The following EDEM1 variants were observed in gnomAD, a reference collection of about 807,000 sequenced individuals.
The protein encoded by EDEM1 is ER degradation-enhancing alpha-mannosidase-like protein 1.
Under a neutral mutation model 74.4 loss-of-function variants are expected in EDEM1, and 67 were observed. The ratio of observed to expected loss-of-function variants is 0.90; its 90% confidence interval spans 0.74 to 1.10. The LOEUF (loss-of-function observed/expected upper bound fraction) is 1.10. EDEM1 is among the 50% of genes least tolerant of loss of function. The pLI, the probability that EDEM1 is intolerant of heterozygous loss-of-function variation, is 0.00. For missense variants in EDEM1, 926 were observed against 851.6 expected, an observed-to-expected ratio of 1.09 and a Z score of -1.09; for synonymous variants, 382 against 335.9, an observed-to-expected ratio of 1.14 and a Z score of -1.50.
Position 5,195,054 on chromosome 3 carries a change from G to C in EDEM1, c.510-155G>C, listed in dbSNP as rs187663525. 1.2e-3 allele frequency: 513 copies of C among 434,754 alleles called. 4 individuals are homozygous for C. Among genetic ancestry groups the C allele is most frequent in the African/African-American group, 9.6e-3 (473 of 49,112 alleles). 26.9% of individuals were successfully genotyped at this position (434,754 alleles called of 1,614,324 possible). On this transcript the variant is annotated intron_variant, in intron 1 of 11. Transcript: ENST00000256497. ...TGGACACCATAGAAAGTGTTACTTT[G>C]GGGGTAGAAAGACCTTTGCTGTATT...
At chr3:5,201,206 A>G (rs1304346159) in intron 3 of EDEM1, among the ~76,000 whole-genome samples, 5 of 152,048 alleles carry the variant, frequency 3.3e-5, no homozygotes, top group African/African-American at 1.2e-4. Context: ...TACACAGGCT[A>G]AAGTGTAGTG....
chr3:5,191,167 C>T (rs1023987477), intron 1 of EDEM1, among the ~76,000 whole-genome samples: 5 of 152,166 alleles, frequency 3.3e-5, no homozygotes, highest in African/African-American at 7.2e-5. Flanking sequence ...GGCTTTGAAA[C>T]AGGAGGGTAC....
Position 5,205,053 on chromosome 3 carries a change from GTTTA to G in EDEM1, c.1043-10_1043-7del, listed in dbSNP as rs1559297763. The G allele has an allele frequency of 1.4e-5, 23 of 1,612,830 alleles. No homozygotes were observed. The highest frequency in any genetic ancestry group is 1.9e-5 in the Non-Finnish European group (22 of 1,179,366). ...AGACAGCTGGGACCTCAAGTGCCTTGTTTATTTTTGCAGGCAATGTCGTGAACAT... is the reference window on the plus strand; with the variant it reads ...AGACAGCTGGGACCTCAAGTGCCTTGTTTTTGCAGGCAATGTCGTGAACAT... On this transcript the variant is annotated splice_polypyrimidine_tract_variant and intron_variant, in intron 5 of 11. Coordinates refer to ENST00000256497, the MANE Select transcript of EDEM1 (RefSeq NM_014674.3).
Position 5,200,187 on chromosome 3 carries a change from C to T in EDEM1, c.686+492C>T, listed in dbSNP as rs569266417. 9.2e-5 allele frequency among the ~76,000 whole-genome samples: 14 copies of T among 152,316 alleles called. No homozygotes were observed. In the South Asian group the frequency reaches 2.7e-3, roughly 29 times the overall value. The stretch of plus-strand genomic sequence containing the variant: ...CCTCAAGTGATCCGCCTGCCTTGGC[C>T]TCCCAAAGTGCTGGGATAACAGGCA... On this transcript the variant is annotated intron_variant, in intron 3 of 11. Coordinates refer to ENST00000256497, the MANE Select transcript of EDEM1 (RefSeq NM_014674.3).
At chr3:5,199,997 G>A (rs562827368) in intron 3 of EDEM1, among the ~76,000 whole-genome samples, 15 of 149,186 alleles carry the variant, frequency 1.0e-4, no homozygotes, top group Non-Finnish European at 1.5e-4. Flanking sequence ...GGGCAGTGGT[G>A]CAATCTTGGC....
At chr3:5,189,790 C>T (rs2054878037) in intron 1 of EDEM1, among the ~76,000 whole-genome samples, 1 of 152,140 alleles carries the variant, frequency 6.6e-6, no homozygotes, top group Admixed American at 6.5e-5. Context: ...TTAGTAGAGA[C>T]GGGGTTTCAC....
intron 6 of EDEM1, 105 bp from the exon 7 acceptor site, chr3:5,207,048 T>C (rs1409918568): frequency 6.7e-7 from 1 of 1,488,100 alleles, no homozygotes; most frequent in Non-Finnish European, 9.0e-7. Context: ...GGAGAAAAAA[T>C]TAATGTTAAT....
intron 8 of EDEM1, among the ~76,000 whole-genome samples, chr3:5,209,065 A>C (rs1428709950): frequency 6.6e-6 from 1 of 152,078 alleles, no homozygotes; most frequent in Non-Finnish European, 1.5e-5. Flanking sequence ...GAGTTTTAGA[A>C]ACTCTGGTAG....
chr3:5,211,185 TTCTC>T lies in EDEM1; in HGVS notation c.1650_1653del (p.Phe550LeufsTer70). The T allele has an allele frequency of 6.2e-7, 1 of 1,614,184 alleles. No homozygotes were observed. The highest frequency in any genetic ancestry group is 8.5e-7 in the Non-Finnish European group (1 of 1,180,026). ...ACAGAAGACCGGATGGAGAGCTTCT[TTCTC>T]AGTGAGACCTGTAAATATTTGTATC... is the stretch of plus-strand genomic sequence containing the variant. On this transcript the variant is annotated frameshift_variant, in exon 10 of 12. Coordinates refer to ENST00000256497, the MANE Select transcript of EDEM1 (RefSeq NM_014674.3). LOFTEE classifies it high-confidence loss of function.
intron 5 of EDEM1, among the ~76,000 whole-genome samples, chr3:5,204,553 G>A (rs2055072652): frequency 6.6e-6 from 1 of 151,854 alleles, no homozygotes; most frequent in East Asian, 1.9e-4. Flanking sequence ...ATCGCACCCA[G>A]CAAATTTTTT....
At chr3:5,194,295 C>T (rs190665984) in intron 1 of EDEM1, among the ~76,000 whole-genome samples, 10 of 152,286 alleles carry the variant, frequency 6.6e-5, no homozygotes, top group African/African-American at 1.4e-4. Context: ...TTCCAAGCTT[C>T]TGCACTTATT....
chr3:5,206,786 T>C (rs955941779), intron 6 of EDEM1, among the ~76,000 whole-genome samples: 5 of 152,218 alleles, frequency 3.3e-5, no homozygotes, highest in African/African-American at 1.2e-4. Flanking sequence ...AAGAGACTCT[T>C]TGTACCAAAA....
chr3:5,195,004 C>G (rs1355456244), intron 1 of EDEM1: 1 of 368,994 alleles, frequency 2.7e-6, no homozygotes, highest in Non-Finnish European at 4.9e-6. Context: ...TGTGTCTCCA[C>G]AGTTCTGTGA....
At chr3:5,208,315 A>T in intron 8 of EDEM1, 52 bp downstream of exon 8, 1 of 1,569,970 alleles carries the variant, frequency 6.4e-7, no homozygotes, top group Admixed American at 2.0e-5. Flanking sequence ...CCCTGACCCC[A>T]GCAGTTCATT....
At position 5,187,896 on chromosome 3, in the gene EDEM1, A is replaced by G. The variant is rs2054844313; in HGVS notation, c.91A>G (p.Met31Val). 4.4e-6 allele frequency: 7 copies of G among 1,599,782 alleles called. No homozygotes were observed. Among genetic ancestry groups the G allele is most frequent in the Non-Finnish European group, 5.1e-6 (6 of 1,175,412 alleles). ...LWLVFGLGPS[M>V]GFYQRFPLSF... ...GCTCGTCTTCGGGCTGGGGCCCAGC[A>G]TGGGCTTCTACCAGCGCTTTCCGCT... Residue 31 changes from methionine (M) to valine (V), a missense_variant, in exon 1 of 12, where the codon ATG (methionine) becomes GTG (valine). Met to Val is a conservative substitution (Grantham distance 21). Transcript: ENST00000256497.
At chr3:5,188,938 G>C (rs1034573957) in intron 1 of EDEM1, among the ~76,000 whole-genome samples, 1 of 152,202 alleles carries the variant, frequency 6.6e-6, no homozygotes, top group Non-Finnish European at 1.5e-5. Context: ...TTGGGGTCCA[G>C]ATACTTGAGG....
At position 5,205,035 on chromosome 3, in the gene EDEM1, T is replaced by TG. The variant is rs753823020; in HGVS notation, c.1043-29dup. 6 of 1,609,630 alleles carry TG rather than the reference T, an allele frequency of 3.7e-6. No individual in the cohort carries two copies. The East Asian group carries it at 1.3e-4, about 36-fold the overall frequency. On this transcript the variant is annotated intron_variant, in intron 5 of 11. Coordinates refer to ENST00000256497, the MANE Select transcript of EDEM1 (RefSeq NM_014674.3). ...TTCATGTCCTCCCCGATGAGACAGC[T>TG]GGGACCTCAAGTGCCTTGTTTATTT...
At chr3:5,191,878 A>T (rs1237507186) in intron 1 of EDEM1, among the ~76,000 whole-genome samples, 1 of 152,238 alleles carries the variant, frequency 6.6e-6, no homozygotes, top group Non-Finnish European at 1.5e-5. Flanking sequence ...TGTGGATATT[A>T]TATTTTTGTA....
At chr3:5,188,819 C>CCGT (rs1364439904) in intron 1 of EDEM1, among the ~76,000 whole-genome samples, 1 of 152,192 alleles carries the variant, frequency 6.6e-6, no homozygotes, top group Non-Finnish European at 1.5e-5. Context: ...TTCTCCAAAG[C>CCGT]CGTCCATTGA....
Sources: allele counts gnomAD v4.1 joint callset (sites outside exome capture counted in the v4.1 genomes callset), GRCh38; gene constraint gnomAD v4.1.1; transcripts MANE v1.5; gene names NCBI Gene and HGNC (gene_info 2026-07-23, HGNC 2026-07-21).